Variants in ZFHX3 observed in about 807,000 individuals in gnomAD.
ZFHX3 encodes the protein zinc finger homeobox protein 3.
ZFHX3 carries 42 observed loss-of-function variants against 279.1 expected under a neutral mutation model. The ratio of observed to expected loss-of-function variants is 0.15; its 90% CI spans 0.12 to 0.19. The LOEUF (loss-of-function observed/expected upper bound fraction) is 0.19. Among genes scored for constraint, ZFHX3 ranks in the 10% least tolerant of loss-of-function variants. ZFHX3 has a pLI of 1.00. For missense variants in ZFHX3, 4,981 were observed against 4,754.0 expected (o/e 1.05, Z -1.40); for synonymous variants, 2,293 against 1,957.8 (o/e 1.17, Z -4.52).
rs749610266 is a variant in ZFHX3, at chr16:72,794,126, G to A, written c.8556C>T (p.Asn2852=). The change falls in exon 9 of 10, where the codon AAC becomes AAT. Residue 2852 remains asparagine, a synonymous_variant. Coordinates refer to ENST00000268489, the MANE Select transcript of ZFHX3 (RefSeq NM_006885.4). This position sits in a 1 kb window ranked among gnomAD's most constrained non-coding sequence, Gnocchi z 4.2. ...ITDTTTGDEG[N]ADNDSATGIA... ...TTCCCGTTGCACTGTCGTTATCTGC[G>A]TTGCCCTCGTCTCCAGTTGTGGTAT... 1.4e-5 allele frequency: 22 copies of A among 1,614,084 alleles called. No individual in the cohort carries two copies. The highest frequency in any genetic ancestry group is 1.7e-5 in the Admixed American group (1 of 60,008).
intron 3 of ZFHX3, among the ~76,000 whole-genome samples, chr16:73,368,826 C>G (rs1287625369): frequency 6.6e-6 from 1 of 152,170 alleles, no homozygotes; most frequent in Non-Finnish European, 1.5e-5. Context: ...AAACAATTAA[C>G]TCATGGAGGC....
At chr16:73,726,708 G>C in intron 1 of ZFHX3, among the ~76,000 whole-genome samples, 1 of 152,276 alleles carries the variant, frequency 6.6e-6, no homozygotes, top group South Asian at 2.1e-4. Flanking sequence ...GAGCACGAGG[G>C]AGGAGGAGGC....
In ZFHX3 at chr16:73,682,982, GAAAGAAAGA is replaced by G. The variant is rs1567550786; in HGVS notation, c.-1607-2751_-1607-2743del. ...AGAAAGAAAGAAAGAAAGAAAGAAAGAAAGAAAGAAAAGAAAGAAAGAAAGAAAGAGAAA... is the reference window on the plus strand; with the variant it reads ...AGAAAGAAAGAAAGAAAGAAAGAAAGAAAGAAAGAAAGAAAGAAAGAGAAA... On this transcript the variant is annotated intron_variant, in intron 1 of 17. Coordinates refer to the ZFHX3 transcript ENST00000641206. Among the ~76,000 whole-genome samples the G allele has an allele frequency of 3.5e-3, 101 of 28,584 alleles. 18 individuals carry two copies. The highest frequency in any genetic ancestry group is 0.012 in the African/African-American group (85 of 7,118). 18.8% of individuals were successfully genotyped at this position (28,584 alleles called of 152,430 possible).
At chr16:73,283,191 C>T (rs926077372) in intron 4 of ZFHX3, among the ~76,000 whole-genome samples, 1 of 152,200 alleles carries the variant, frequency 6.6e-6, no homozygotes, top group East Asian at 1.9e-4. Flanking sequence ...GAAAACTTTG[C>T]TGACACCTGC....
chr16:73,214,697 G>A (rs1296416596), intron 5 of ZFHX3, among the ~76,000 whole-genome samples: 2 of 152,080 alleles, frequency 1.3e-5, no homozygotes, highest in Non-Finnish European at 2.9e-5. Flanking sequence ...CTACATGGGG[G>A]GAAGCTCAAG....
intron 1 of ZFHX3, among the ~76,000 whole-genome samples, chr16:73,030,698 G>C (rs1055880754): frequency 6.6e-6 from 1 of 152,098 alleles, no homozygotes; most frequent in African/African-American, 2.4e-5. Flanking sequence ...TTAGAAACTA[G>C]GGTCCCCAAT....
rs1170748382 is a variant in ZFHX3, at chr16:73,764,238, C to G, written c.-1607-83998G>C. Among the ~76,000 whole-genome samples the G allele has an allele frequency of 3.3e-5, 5 of 152,184 alleles. No individual in the cohort carries two copies. In the East Asian group the frequency reaches 9.6e-4, roughly 29 times the overall value. The stretch of plus-strand genomic sequence containing the variant: ...TCCAATCCCTGCTCACTTCTTGCCC[C>G]CAACGCTTTTGCTCTTTGACATTGC... On this transcript the variant is annotated intron_variant, in intron 1 of 17. Coordinates refer to the ZFHX3 transcript ENST00000641206.
intron 1 of ZFHX3, among the ~76,000 whole-genome samples, chr16:73,011,598 G>T (rs1963920650): frequency 6.6e-6 from 1 of 152,004 alleles, no homozygotes; most frequent in Non-Finnish European, 1.5e-5. Context: ...AAAATTAGCT[G>T]GGCTTGGTGG....
intron 1 of ZFHX3, among the ~76,000 whole-genome samples, chr16:73,685,139 C>G (rs950119895): frequency 6.6e-6 from 1 of 151,910 alleles, no homozygotes; most frequent in South Asian, 2.1e-4. Flanking sequence ...CTCAGCCTCC[C>G]GAGTAGCTGG....
At chr16:73,021,374 C>G (rs1027646093) in intron 1 of ZFHX3, among the ~76,000 whole-genome samples, 1 of 152,188 alleles carries the variant, frequency 6.6e-6, no homozygotes, top group East Asian at 1.9e-4. Context: ...CCATATCTCC[C>G]TTCAAAATCT....
chr16:73,442,522 T>C (rs986593605), intron 3 of ZFHX3, among the ~76,000 whole-genome samples: 17 of 152,150 alleles, frequency 1.1e-4, no homozygotes, highest in Non-Finnish European at 1.6e-4. Flanking sequence ...GTGTGCGTAG[T>C]TAACCATGTA....
intron 3 of ZFHX3, among the ~76,000 whole-genome samples, chr16:73,437,401 T>C (rs2018016159): frequency 6.6e-6 from 1 of 152,210 alleles, no homozygotes; most frequent in South Asian, 2.1e-4. Context: ...ATAACATGCC[T>C]TTTTATCTGA....
At chr16:73,011,213 C>G (rs949092190) in intron 1 of ZFHX3, among the ~76,000 whole-genome samples, 7 of 152,026 alleles carry the variant, frequency 4.6e-5, no homozygotes, top group Non-Finnish European at 1.5e-5. Flanking sequence ...AAACTCCTGA[C>G]CTCAGGTCGA....
Position 73,041,433 on chromosome 16 carries a change from G to A in ZFHX3, c.-50+6319C>T, listed in dbSNP as rs192164471. On this transcript the variant is annotated intron_variant, in intron 1 of 9. Coordinates refer to ENST00000268489, the MANE Select transcript of ZFHX3 (RefSeq NM_006885.4). ...GCAGGGCTGAGGTGACCCTACTACC[G>A]TCATTTCTGCCATTCTTTACTTGAA... Among the ~76,000 whole-genome samples the A allele has an allele frequency of 5.6e-5, 7 of 124,646 alleles. No individual in the cohort carries two copies. In the East Asian group the frequency reaches 8.7e-4, roughly 15 times the overall value. The allele number at this position is 124,646 out of a possible 152,430, so 81.8% of individuals were successfully genotyped here.
chr16:72,797,852 A>G lies in ZFHX3; in HGVS notation c.4830T>C (p.Thr1610=). The G allele has an allele frequency of 6.2e-7, 1 of 1,614,146 alleles. No individual in the cohort carries two copies. Among genetic ancestry groups the G allele is most frequent in the Non-Finnish European group, 8.5e-7 (1 of 1,180,036 alleles). The change falls in exon 9 of 10, where the codon ACT becomes ACC. Residue 1610 remains threonine, a synonymous_variant. Transcript: ENST00000268489. ...TCNVAYSQSS[T]LEIHMRSVLH... ...ACACAGACCTCATATGGATCTCCAG[A>G]GTGGAACTCTGGCTGTAGGCCACAT... is the stretch of plus-strand genomic sequence containing the variant.
At chr16:73,673,650 C>A (rs1318648670) in intron 2 of ZFHX3, among the ~76,000 whole-genome samples, 1 of 152,062 alleles carries the variant, frequency 6.6e-6, no homozygotes, top group Non-Finnish European at 1.5e-5. Flanking sequence ...TTCAGAAACA[C>A]CAACCTTAGA....
chr16:73,060,082 T>C (rs1219794576), upstream of ZFHX3, among the ~76,000 whole-genome samples: 3 of 152,128 alleles, frequency 2.0e-5, no homozygotes, highest in Non-Finnish European at 4.4e-5. Context: ...GAAGCTATTT[T>C]GCCATCAAAA....
Position 72,793,201 on chromosome 16 carries a change from A to T in ZFHX3, c.9427+54T>A, listed in dbSNP as rs189065087. 2.4e-5 allele frequency: 37 copies of T among 1,546,038 alleles called. No individual in the cohort carries two copies. The highest frequency in any genetic ancestry group is 1.4e-5 in the African/African-American group (1 of 73,000). ...GTTTGGGTGGTATCCACATAACAGAATGCTGACTGGGCAGCTATTTAGCCC... is the reference window on the plus strand; with the variant it reads ...GTTTGGGTGGTATCCACATAACAGATTGCTGACTGGGCAGCTATTTAGCCC... On this transcript the variant is annotated intron_variant, in intron 9 of 9. Transcript: ENST00000268489. This position sits in a 1 kb window ranked among gnomAD's most constrained non-coding sequence, Gnocchi z 4.3.
chr16:72,894,263 A>G (rs2038842508), intron 3 of ZFHX3, among the ~76,000 whole-genome samples: 2 of 152,054 alleles, frequency 1.3e-5, no homozygotes, highest in Non-Finnish European at 2.9e-5. Flanking sequence ...GTCTACCTGC[A>G]TGTGACAAGT....
Sources: allele counts gnomAD v4.1 joint callset (sites outside exome capture counted in the v4.1 genomes callset), GRCh38; gene constraint gnomAD v4.1.1; non-coding constraint Gnocchi (gnomAD v3.1); transcripts MANE v1.5; gene names NCBI Gene and HGNC (gene_info 2026-07-23, HGNC 2026-07-21).